Variants in PIAS2 observed in about 807,000 individuals in gnomAD.
The protein encoded by PIAS2 is protein inhibitor of activated STAT 2, also known as E3 SUMO-protein ligase PIAS2.
PIAS2 carries 19 observed loss-of-function variants against 69.7 expected under a neutral mutation model. The observed-to-expected ratio is 0.27, with a 90% CI of 0.19 to 0.40. The LOEUF is 0.40. PIAS2 is among the 10% of genes least tolerant of loss of function. The probability of loss-of-function intolerance (pLI) is 1.00; values close to 1 mark genes in which losing one functional copy is unlikely to be tolerated. For missense variants in PIAS2, 624 were observed against 757.0 expected (o/e 0.82, Z 2.06); for synonymous variants, 261 against 263.2 (o/e 0.99, Z 0.08).
intron 3 of PIAS2, among the ~76,000 whole-genome samples, chr18:46,859,702 AT>A (rs2048380844): frequency 1.3e-5 from 2 of 152,206 alleles, no homozygotes; most frequent in African/African-American, 4.8e-5. Context: ...AGAACAAAAG[AT>A]AAGCAGGTTT....
intron 1 of PIAS2, among the ~76,000 whole-genome samples, chr18:46,895,677 G>T (rs929092320): frequency 6.6e-6 from 1 of 151,960 alleles, no homozygotes; most frequent in African/African-American, 2.4e-5. Context: ...TCTCAAAAAA[G>T]AATAATAATC....
intron 12 of PIAS2, chr18:46,816,998 T>C (rs563476955): frequency 2.2e-6 from 2 of 928,044 alleles, no homozygotes; most frequent in Non-Finnish European, 2.6e-6. Flanking sequence ...TTGTAATACC[T>C]TCAGAGTTTT....
intron 13 of PIAS2, among the ~76,000 whole-genome samples, chr18:46,813,978 A>G (rs959609021): frequency 6.6e-6 from 1 of 152,176 alleles, no homozygotes; most frequent in African/African-American, 2.4e-5. Flanking sequence ...GGGTAAATCT[A>G]GAACAAAGCC....
chr18:46,909,066 C>G (rs1432011727), intron 1 of PIAS2, among the ~76,000 whole-genome samples: 1 of 151,956 alleles, frequency 6.6e-6, no homozygotes, highest in East Asian at 1.9e-4. Context: ...GAAATTTGCA[C>G]CACATGCATC....
At chr18:46,825,792 G>A (rs1241420440) in intron 11 of PIAS2, among the ~76,000 whole-genome samples, 1 of 152,156 alleles carries the variant, frequency 6.6e-6, no homozygotes, top group African/African-American at 2.4e-5. Flanking sequence ...TATCAGAAAT[G>A]GCAATTAATT....
In PIAS2 at chr18:46,917,496, G is replaced by T; in HGVS notation, c.-151C>A. 2 of 1,193,588 alleles carry T rather than the reference G, an allele frequency of 1.7e-6. No individual in the cohort carries two copies. Among genetic ancestry groups the T allele is most frequent in the South Asian group, 8.2e-5 (2 of 24,292 alleles). The allele number at this position is 1,193,588 out of a possible 1,614,324, so 73.9% of individuals were successfully genotyped here. On this transcript the variant is annotated 5_prime_UTR_variant, in exon 1 of 14. Transcript: ENST00000585916. ...GCCGCGGCCGCCGCCGCTACAGCCG[G>T]GCCCGTCACGTGAACGGCGCGGGAG...
At chr18:46,905,350 A>G (rs2056460183) in intron 1 of PIAS2, among the ~76,000 whole-genome samples, 1 of 152,214 alleles carries the variant, frequency 6.6e-6, no homozygotes, top group Admixed American at 6.5e-5. Context: ...CATCAAAACA[A>G]GGAGGCAATA....
chr18:46,865,522 C>CAAAAAAA (rs11321908), intron 2 of PIAS2, among the ~76,000 whole-genome samples: 1 of 108,258 alleles, frequency 9.2e-6, no homozygotes, highest in Non-Finnish European at 2.0e-5. Flanking sequence ...CGATAGTCTT[C>CAAAAAAA]AAAAAAAAAA....
rs564270046 is a variant in PIAS2 at position 46,866,392 on chromosome 18, G to C, written c.500-2144C>G. 3.3e-5 allele frequency among the ~76,000 whole-genome samples: 5 copies of C among 152,304 alleles called. No individual in the cohort carries two copies. The East Asian group carries it at 7.7e-4, about 24-fold the overall frequency. ...TAGGCCAGAAGGTATCTTTAAAGTG[G>C]TGAAAGAACAAACTCAACTGAAAAT... On this transcript the variant is annotated intron_variant, in intron 2 of 13. Coordinates refer to ENST00000585916, the MANE Select transcript of PIAS2 (RefSeq NM_004671.5).
intron 8 of PIAS2, 90 bp from the exon 9 acceptor site, chr18:46,836,607 A>T (rs2044470833): frequency 2.5e-6 from 2 of 786,840 alleles, no homozygotes; most frequent in South Asian, 2.5e-5. Context: ...GGAAGATGTC[A>T]TACAAGAAGA....
At chr18:46,910,113 G>A (rs2057091484) in intron 1 of PIAS2, among the ~76,000 whole-genome samples, 2 of 152,038 alleles carry the variant, frequency 1.3e-5, no homozygotes, top group South Asian at 2.1e-4. Flanking sequence ...TCAAGATCGC[G>A]CCACTGCACT....
At chr18:46,895,034 T>C (rs2054627903) in intron 1 of PIAS2, among the ~76,000 whole-genome samples, 1 of 149,866 alleles carries the variant, frequency 6.7e-6, no homozygotes, top group South Asian at 2.1e-4. Flanking sequence ...GACCATACCA[T>C]TGCACTCCAG....
intron 1 of PIAS2, among the ~76,000 whole-genome samples, chr18:46,901,645 C>T (rs1366804580): frequency 6.6e-6 from 1 of 152,138 alleles, no homozygotes; most frequent in African/African-American, 2.4e-5. Flanking sequence ...CTATAGAATA[C>T]ATCATATTAA....
At chr18:46,888,501 T>C (rs138578149) in intron 2 of PIAS2, among the ~76,000 whole-genome samples, 1 of 152,254 alleles carries the variant, frequency 6.6e-6, no homozygotes, top group East Asian at 1.9e-4. Context: ...ACATATTACA[T>C]AGCTACGGTA....
intron 2 of PIAS2, among the ~76,000 whole-genome samples, chr18:46,887,416 T>C (rs2053390636): frequency 6.6e-6 from 1 of 152,172 alleles, no homozygotes; most frequent in African/African-American, 2.4e-5. Context: ...GTTTAAGTGT[T>C]TTCACATGAC....
chr18:46,885,188 G>A (rs2052948769), intron 2 of PIAS2, among the ~76,000 whole-genome samples: 1 of 152,008 alleles, frequency 6.6e-6, no homozygotes, highest in Non-Finnish European at 1.5e-5. Flanking sequence ...ACCCCAAGCT[G>A]CAAAACAATA....
At chr18:46,884,462 G>A (rs1026912960) in intron 2 of PIAS2, among the ~76,000 whole-genome samples, 11 of 151,862 alleles carry the variant, frequency 7.2e-5, no homozygotes, top group Admixed American at 5.2e-4. Flanking sequence ...ACAGGTGCCC[G>A]CCACCACGCC....
intron 1 of PIAS2, among the ~76,000 whole-genome samples, chr18:46,909,097 A>G (rs1345485305): frequency 6.6e-6 from 1 of 152,222 alleles, no homozygotes; most frequent in Admixed American, 6.5e-5. Flanking sequence ...ACTATTAAAA[A>G]TCAGTATGAA....
At chr18:46,870,742 A>C (rs1212074773) in intron 2 of PIAS2, among the ~76,000 whole-genome samples, 1 of 151,954 alleles carries the variant, frequency 6.6e-6, no homozygotes, top group Non-Finnish European at 1.5e-5. Flanking sequence ...GTTAATGACC[A>C]TCCTGGGCAT....
Sources: gnomAD v4.1 joint callset for allele counts (sites outside exome capture counted in the v4.1 genomes callset) on GRCh38, gnomAD v4.1.1 for gene constraint, MANE v1.5 for transcripts, NCBI Gene and HGNC (gene_info 2026-07-23, HGNC 2026-07-21) for gene names.